RANBP2: variants seen among roughly 807,000 people sequenced by gnomAD.
RANBP2 encodes the protein E3 SUMO-protein ligase RanBP2.
Under a neutral mutation model 303.6 loss-of-function variants are expected in RANBP2, and 57 were observed. The observed-to-expected ratio is 0.19, with a 90% CI of 0.15 to 0.23. The LOEUF (loss-of-function observed/expected upper bound fraction) is 0.23. Among genes scored for constraint, RANBP2 ranks in the 10% least tolerant of loss-of-function variants. The pLI is 1.00. For synonymous variants in RANBP2, 1,167 were observed against 1,301.5 expected (o/e 0.90, Z 2.23); for missense variants, 3,138 against 3,780.8 (o/e 0.83, Z 4.46).
chr2:108,840,775 CTT>C, the RANBP2 span, among the ~76,000 whole-genome samples: 108 of 151,526 alleles, frequency 7.1e-4, no homozygotes, highest in African/African-American at 2.5e-3. Flanking sequence ...AGGATCATCT[CTT>C]TGTTTCATTT....
chr2:109,467,420 A>G, the RANBP2 span, among the ~76,000 whole-genome samples: 5 of 152,202 alleles, frequency 3.3e-5, no homozygotes, highest in African/African-American at 1.2e-4. Context: ...AAAACTTTGG[A>G]AAATGCACAC....
At position 108,783,971 on chromosome 2, in the gene RANBP2, A is replaced by T. The variant is rs1213900159; in HGVS notation, c.*70A>T. The T allele has an allele frequency of 7.0e-7, 1 of 1,428,110 alleles. No homozygotes were observed. The highest frequency in any genetic ancestry group is 9.7e-7 in the Non-Finnish European group (1 of 1,030,700). 88.5% of individuals were successfully genotyped at this position (1,428,110 alleles called of 1,614,324 possible). ...ATTGAAGCTTAGCTATTACAATTTGATAGTTATGTTCAGCTTTTGAAAATG... is the reference window on the plus strand; with the variant it reads ...ATTGAAGCTTAGCTATTACAATTTGTTAGTTATGTTCAGCTTTTGAAAATG... On this transcript the variant is annotated 3_prime_UTR_variant, in exon 29 of 29. Transcript: ENST00000283195.
the RANBP2 span, among the ~76,000 whole-genome samples, chr2:109,395,777 T>C: frequency 6.6e-6 from 1 of 152,194 alleles, no homozygotes; most frequent in Non-Finnish European, 1.5e-5. Context: ...CTGTGTCTCC[T>C]GATGAGAATA....
the RANBP2 span, among the ~76,000 whole-genome samples, chr2:109,054,676 G>T: frequency 2.7e-5 from 4 of 148,086 alleles, no homozygotes; most frequent in South Asian, 4.3e-4. Flanking sequence ...CTGCAGCCTG[G>T]CAACAGTGAG....
At chr2:109,321,249 T>C in the RANBP2 span, among the ~76,000 whole-genome samples, 1 of 152,246 alleles carries the variant, frequency 6.6e-6, no homozygotes, top group African/African-American at 2.4e-5. Flanking sequence ...TCACTTTTAA[T>C]TAGGCTGTTC....
the RANBP2 span, among the ~76,000 whole-genome samples, chr2:109,021,245 C>T: frequency 1.3e-5 from 2 of 152,126 alleles, no homozygotes; most frequent in African/African-American, 4.8e-5. Flanking sequence ...GCAAAGCCAT[C>T]GGGCGCGGTG....
chr2:108,970,123 T>A, the RANBP2 span, among the ~76,000 whole-genome samples: 1 of 152,122 alleles, frequency 6.6e-6, no homozygotes, highest in Non-Finnish European at 1.5e-5. Flanking sequence ...TCCTGCAGAA[T>A]CTTGCTGCTT....
At chr2:108,930,179 G>C in the RANBP2 span, 1 of 1,614,086 alleles carries the variant, frequency 6.2e-7, no homozygotes, top group Non-Finnish European at 8.5e-7. Flanking sequence ...CCCGTAGTCT[G>C]GTTGTAGTAC....
At chr2:109,588,992 G>T in the RANBP2 span, among the ~76,000 whole-genome samples, 1 of 151,814 alleles carries the variant, frequency 6.6e-6, no homozygotes, top group Non-Finnish European at 1.5e-5. Context: ...TAGAAAATTA[G>T]TTATCAAGAA....
At chr2:108,795,663 A>C in the RANBP2 span, among the ~76,000 whole-genome samples, 1 of 152,214 alleles carries the variant, frequency 6.6e-6, no homozygotes, top group African/African-American at 2.4e-5. Context: ...TTTAGCCTAA[A>C]ATCACCAGGA....
the RANBP2 span, among the ~76,000 whole-genome samples, chr2:109,694,227 G>A: frequency 6.6e-6 from 1 of 152,056 alleles, no homozygotes. Flanking sequence ...TTCTCACTAT[G>A]CTTGTTTAAA....
the RANBP2 span, among the ~76,000 whole-genome samples, chr2:109,207,131 G>T: frequency 6.6e-6 from 1 of 152,216 alleles, no homozygotes; most frequent in Non-Finnish European, 1.5e-5. Flanking sequence ...TGTAGAGGAT[G>T]ATAAACTGGG....
the RANBP2 span, chr2:109,613,775 G>A: frequency 8.2e-7 from 1 of 1,219,314 alleles, no homozygotes; most frequent in Non-Finnish European, 1.0e-6. Flanking sequence ...CGGGGCTGGG[G>A]CCCCGGCGTC....
the RANBP2 span, among the ~76,000 whole-genome samples, chr2:109,136,652 C>T: frequency 6.6e-6 from 1 of 152,196 alleles, no homozygotes; most frequent in Non-Finnish European, 1.5e-5. Flanking sequence ...AGAAGAGTCA[C>T]TGCGCTCTTG....
chr2:109,065,089 C>G, the RANBP2 span, among the ~76,000 whole-genome samples: 1 of 152,126 alleles, frequency 6.6e-6, no homozygotes. Context: ...TCTCATTAAG[C>G]CAATGAAAAG....
chr2:109,064,631 A>G, the RANBP2 span, among the ~76,000 whole-genome samples: 4 of 152,146 alleles, frequency 2.6e-5, no homozygotes, highest in Non-Finnish European at 5.9e-5. Flanking sequence ...TTAAAAAGTG[A>G]AAGATTTCTT....
chr2:109,360,207 T>A, the RANBP2 span, among the ~76,000 whole-genome samples: 1 of 152,220 alleles, frequency 6.6e-6, no homozygotes, highest in Admixed American at 6.5e-5. Context: ...TGCCGCTTAG[T>A]TACTCTGAAC....
At chr2:109,140,181 A>T in the RANBP2 span, among the ~76,000 whole-genome samples, 75 of 152,204 alleles carry the variant, frequency 4.9e-4, 1 homozygote, top group African/African-American at 1.5e-3. Context: ...ATTGATGCAC[A>T]TGGTTGGTGC....
the RANBP2 span, among the ~76,000 whole-genome samples, chr2:108,899,032 T>C: frequency 6.6e-6 from 1 of 152,196 alleles, no homozygotes; most frequent in Non-Finnish European, 1.5e-5. Flanking sequence ...TTTAGAACTC[T>C]CCAAATTTGT....
Sources: gnomAD v4.1 joint callset for allele counts (sites outside exome capture counted in the v4.1 genomes callset) on GRCh38, gnomAD v4.1.1 for gene constraint, MANE v1.5 for transcripts, NCBI Gene and HGNC (gene_info 2026-07-23, HGNC 2026-07-21) for gene names.